HS1BP3: variants seen among roughly 807,000 people sequenced by gnomAD.
HS1BP3 encodes HCLS1-binding protein 3.
In HS1BP3, 32 loss-of-function variants were observed where a neutral mutation model predicts 33.5. The observed-to-expected ratio is 0.95, with a 90% CI of 0.72 to 1.28. The LOEUF (loss-of-function observed/expected upper bound fraction) is 1.28, where lower values mean the gene tolerates loss of function less well. Ranked by LOEUF, HS1BP3 falls within the 50% of genes most tolerant of loss-of-function variation. The pLI, the probability that HS1BP3 is intolerant of heterozygous loss-of-function variation, is 0.00. For missense variants in HS1BP3, 486 were observed against 502.3 expected, an observed-to-expected ratio of 0.97 and a Z score of 0.31; for synonymous variants, 187 against 209.2, an observed-to-expected ratio of 0.89 and a Z score of 0.92.
chr2:20,594,228 T>A (rs2149280349), intron 3 of HS1BP3, among the ~76,000 whole-genome samples: 1 of 152,186 alleles, frequency 6.6e-6, no homozygotes, highest in South Asian at 2.1e-4. Flanking sequence ...CTGCCATGGG[T>A]GTGGGGAGAG....
downstream of HS1BP3, chr2:20,590,910 A>G (rs1459177118): frequency 6.0e-6 from 1 of 167,284 alleles, no homozygotes; most frequent in African/African-American, 2.4e-5. Context: ...GTTTAGGTGC[A>G]AAGATTCCTA....
chr2:20,598,794 G>T (rs1052713902), intron 2 of HS1BP3, among the ~76,000 whole-genome samples: 3 of 151,930 alleles, frequency 2.0e-5, no homozygotes, highest in African/African-American at 7.3e-5. Flanking sequence ...TCCTGACCTC[G>T]TGATCCGCCC....
downstream of HS1BP3, among the ~76,000 whole-genome samples, chr2:20,614,764 C>T (rs76220803): frequency 0.053 from 8,107 of 152,310 alleles, 242 homozygotes; most frequent in Middle Eastern, 0.088. Context: ...AAGCATCAGG[C>T]CTCTGAAAGT....
At chr2:20,578,096 G>A (rs892296342) in intron 5 of HS1BP3, among the ~76,000 whole-genome samples, 1 of 152,206 alleles carries the variant, frequency 6.6e-6, no homozygotes, top group African/African-American at 2.4e-5. Flanking sequence ...GCTGCATCAT[G>A]TCCCCTCAGG....
At chr2:20,598,418 T>G (rs1296025383) in intron 2 of HS1BP3, among the ~76,000 whole-genome samples, 1 of 151,670 alleles carries the variant, frequency 6.6e-6, no homozygotes, top group Non-Finnish European at 1.5e-5. Context: ...TGACAGGAGG[T>G]GAAGCTCAGG....
At chr2:20,563,797 G>C (rs1031040124) in intron 5 of HS1BP3, among the ~76,000 whole-genome samples, 1 of 152,126 alleles carries the variant, frequency 6.6e-6, no homozygotes, top group African/African-American at 2.4e-5. Flanking sequence ...GTTTTTCAAA[G>C]TGTGGTTCAT....
At chr2:20,599,767 T>G (rs891175424) in intron 2 of HS1BP3, among the ~76,000 whole-genome samples, 1 of 152,088 alleles carries the variant, frequency 6.6e-6, no homozygotes, top group Non-Finnish European at 1.5e-5. Flanking sequence ...AGGGACTGCC[T>G]GATTAGCACT....
intron 2 of HS1BP3, among the ~76,000 whole-genome samples, chr2:20,598,748 C>T (rs1437717514): frequency 1.3e-5 from 2 of 151,608 alleles, no homozygotes; most frequent in Admixed American, 1.3e-4. Context: ...TTAGTAGAGA[C>T]GGGGTTTCAC....
chr2:20,643,962 T>C (rs1318711848), intron 2 of HS1BP3, among the ~76,000 whole-genome samples: 1 of 152,058 alleles, frequency 6.6e-6, no homozygotes, highest in African/African-American at 2.4e-5. Context: ...GTGCTGTAAA[T>C]TTCTCTTAAA....
At chr2:20,581,075 C>T (rs1693522798) in intron 5 of HS1BP3, among the ~76,000 whole-genome samples, 1 of 152,192 alleles carries the variant, frequency 6.6e-6, no homozygotes, top group Non-Finnish European at 1.5e-5. Flanking sequence ...AAAACAGGCC[C>T]CAGTGCAGGC....
At chr2:20,605,275 C>T (rs186531276) in intron 2 of HS1BP3, among the ~76,000 whole-genome samples, 1 of 152,186 alleles carries the variant, frequency 6.6e-6, no homozygotes, top group Non-Finnish European at 1.5e-5. Context: ...TTGCACCCCC[C>T]ACTTGCTTCA....
At position 20,645,333 on chromosome 2, in the gene HS1BP3, G is replaced by A. The variant is rs749141979; in HGVS notation, c.198+7C>T. 10 of 1,612,442 alleles carry A rather than the reference G, an allele frequency of 6.2e-6. No individual in the cohort carries two copies. Among genetic ancestry groups the A allele is most frequent in the East Asian group, 4.5e-5 (2 of 44,858 alleles). ...TCGAAACATCCTGGCCAGAGCCTCCGGCTCACCAAGAACTGGACGACATCC... is the reference window on the plus strand; with the variant it reads ...TCGAAACATCCTGGCCAGAGCCTCCAGCTCACCAAGAACTGGACGACATCC... On this transcript the variant is annotated splice_region_variant and intron_variant, in intron 2 of 6. Transcript: ENST00000304031.
chr2:20,605,841 G>A (rs1247209618), intron 2 of HS1BP3, among the ~76,000 whole-genome samples: 2 of 152,138 alleles, frequency 1.3e-5, no homozygotes, highest in Non-Finnish European at 2.9e-5. Context: ...TTGTTGATTT[G>A]TTCTTCCACT....
chr2:20,630,776 C>T (rs111312368), intron 4 of HS1BP3, among the ~76,000 whole-genome samples: 66 of 152,302 alleles, frequency 4.3e-4, no homozygotes, highest in African/African-American at 1.5e-3. Flanking sequence ...GATGGAAAAA[C>T]GAGCAGAGTC....
intron 2 of HS1BP3, 53 bp downstream of exon 2, chr2:20,645,287 C>T: frequency 1.9e-6 from 3 of 1,569,540 alleles, no homozygotes; most frequent in Non-Finnish European, 2.6e-6. Flanking sequence ...ATGTGTCTGC[C>T]CGCCCGGACC....
At chr2:20,635,074 G>A (rs907629996) in intron 4 of HS1BP3, 54 of 152,292 alleles carry the variant, frequency 3.5e-4, no homozygotes, top group African/African-American at 1.1e-3. Context: ...AAAAGCAGAG[G>A]GGCCTCCCAA....
At chr2:20,590,255 A>T (rs1693780344), downstream of HS1BP3, among the ~76,000 whole-genome samples, 1 of 152,116 alleles carries the variant, frequency 6.6e-6, no homozygotes, top group South Asian at 2.1e-4. Flanking sequence ...CCGAATTCTC[A>T]TTCCCCATAT....
intron 5 of HS1BP3, among the ~76,000 whole-genome samples, chr2:20,583,789 C>T (rs577041810): frequency 1.1e-3 from 160 of 152,284 alleles, no homozygotes; most frequent in African/African-American, 3.3e-3. Flanking sequence ...ACCTGGGGCT[C>T]GGTCCTGCCA....
At chr2:20,584,293 AC>A (rs1693628820) in intron 5 of HS1BP3, among the ~76,000 whole-genome samples, 1 of 152,106 alleles carries the variant, frequency 6.6e-6, no homozygotes, top group Admixed American at 6.6e-5. Flanking sequence ...TGTTCTAATC[AC>A]CCTATATCTA....
Sources: allele counts gnomAD v4.1 joint callset (sites outside exome capture counted in the v4.1 genomes callset), GRCh38; gene constraint gnomAD v4.1.1; transcripts MANE v1.5; gene names NCBI Gene and HGNC (gene_info 2026-07-23, HGNC 2026-07-21).